Variants in L3MBTL4 observed in about 807,000 individuals in gnomAD.
L3MBTL4 encodes the protein L3MBTL histone methyl-lysine binding protein 4.
Under a neutral mutation model 84.5 loss-of-function variants are expected in L3MBTL4, and 70 were observed. The ratio of observed to expected loss-of-function variants is 0.83; its 90% CI spans 0.68 to 1.01. The LOEUF (loss-of-function observed/expected upper bound fraction) is 1.01, where lower values mean the gene tolerates loss of function less well. L3MBTL4 is among the 50% of genes least tolerant of loss of function. L3MBTL4 has a pLI of 0.00. For synonymous variants in L3MBTL4, 274 were observed against 259.8 expected, an observed-to-expected ratio of 1.05 and a Z score of -0.52; for missense variants, 715 against 754.8, an observed-to-expected ratio of 0.95 and a Z score of 0.62.
chr18:6,385,834 T>C (rs2054795238), intron 1 of L3MBTL4, among the ~76,000 whole-genome samples: 1 of 152,218 alleles, frequency 6.6e-6, no homozygotes, highest in Non-Finnish European at 1.5e-5. Flanking sequence ...AGTCCTTCAC[T>C]TTCTCTTATT....
At chr18:6,331,404 G>C (rs1220072956) in intron 1 of L3MBTL4, among the ~76,000 whole-genome samples, 1 of 152,064 alleles carries the variant, frequency 6.6e-6, no homozygotes, top group Non-Finnish European at 1.5e-5. Flanking sequence ...AATGCAGAAA[G>C]CTCAAATCAA....
chr18:6,246,813 A>G (rs2047683298), intron 5 of L3MBTL4, among the ~76,000 whole-genome samples: 2 of 152,148 alleles, frequency 1.3e-5, no homozygotes, highest in Admixed American at 6.5e-5. Flanking sequence ...CTGAGGCAGG[A>G]GAATCGCTTG....
intron 16 of L3MBTL4, among the ~76,000 whole-genome samples, chr18:6,065,258 G>C (rs1198576742): frequency 1.3e-5 from 2 of 151,872 alleles, no homozygotes; most frequent in African/African-American, 4.8e-5. Context: ...TGGTCAGTTA[G>C]TATTTTGTTG....
chr18:6,361,996 C>G (rs1407488271), intron 1 of L3MBTL4, among the ~76,000 whole-genome samples: 2 of 151,804 alleles, frequency 1.3e-5, no homozygotes, highest in Non-Finnish European at 2.9e-5. Flanking sequence ...GTAGTCCCAG[C>G]TACTTGAGAG....
intron 5 of L3MBTL4, 83 bp from the exon 6 acceptor site, chr18:6,244,671 A>G: frequency 1.1e-6 from 1 of 941,732 alleles, no homozygotes; most frequent in East Asian, 2.4e-5. Context: ...CCTCTAGGTG[A>G]AGTCTAAAAC....
chr18:6,078,244 T>C (rs1417644157), intron 16 of L3MBTL4, among the ~76,000 whole-genome samples: 3 of 150,014 alleles, frequency 2.0e-5, no homozygotes, highest in African/African-American at 7.4e-5. Context: ...CTGGGCAACA[T>C]GGTGAAACCC....
rs144486517 is a variant in L3MBTL4, at chr18:6,059,853, G to A, written c.1444+21028C>T. 8.6e-3 allele frequency among the ~76,000 whole-genome samples: 1,317 copies of A among 152,326 alleles called. 12 individuals are homozygous for A. The highest frequency in any genetic ancestry group is 0.058 in the Middle Eastern group (17 of 294). On this transcript the variant is annotated intron_variant, in intron 16 of 18. Coordinates refer to ENST00000317931, the MANE Select transcript of L3MBTL4 (RefSeq NM_001330559.2). Reference sequence around the variant, plus strand: ...ATGCCTAGAGGCCATTAGAATGGCAGCTGGTGTCTAACCTGGGATAAAGTT... The same window carrying A: ...ATGCCTAGAGGCCATTAGAATGGCAACTGGTGTCTAACCTGGGATAAAGTT...
At chr18:6,393,384 G>C (rs1470685141) in intron 1 of L3MBTL4, among the ~76,000 whole-genome samples, 1 of 152,146 alleles carries the variant, frequency 6.6e-6, no homozygotes, top group African/African-American at 2.4e-5. Context: ...TTCTCACAGG[G>C]AGCATGAGTG....
At chr18:6,069,543 G>T (rs924904098) in intron 16 of L3MBTL4, among the ~76,000 whole-genome samples, 1 of 152,142 alleles carries the variant, frequency 6.6e-6, no homozygotes, top group Non-Finnish European at 1.5e-5. Context: ...TGAGGGCAGG[G>T]TTAGGCGGGT....
intron 1 of L3MBTL4, among the ~76,000 whole-genome samples, chr18:6,352,522 G>A (rs1376944724): frequency 1.3e-5 from 2 of 152,152 alleles, no homozygotes; most frequent in Non-Finnish European, 2.9e-5. Flanking sequence ...AAAATAAAAA[G>A]TGGTTGATGA....
intron 15 of L3MBTL4, among the ~76,000 whole-genome samples, chr18:6,085,971 C>A (rs972579589): frequency 6.6e-6 from 1 of 152,084 alleles, no homozygotes; most frequent in African/African-American, 2.4e-5. Context: ...TTAAGGTGGA[C>A]ATTTTCTTAT....
At chr18:6,040,474 C>G (rs1240823331) in intron 16 of L3MBTL4, among the ~76,000 whole-genome samples, 1 of 152,206 alleles carries the variant, frequency 6.6e-6, no homozygotes, top group Non-Finnish European at 1.5e-5. Flanking sequence ...CAATCCATTA[C>G]AGAACCAAAA....
intron 7 of L3MBTL4, among the ~76,000 whole-genome samples, chr18:6,241,734 C>G (rs1439898725): frequency 2.0e-5 from 3 of 152,160 alleles, no homozygotes; most frequent in Admixed American, 6.5e-5. Flanking sequence ...TCACGCGCAT[C>G]ATTCCCGATA....
At chr18:6,146,789 G>T (rs1454547524) in intron 13 of L3MBTL4, among the ~76,000 whole-genome samples, 2 of 152,166 alleles carry the variant, frequency 1.3e-5, no homozygotes, top group African/African-American at 4.8e-5. Flanking sequence ...TGTAGGGAGG[G>T]GTTTAAATGT....
intron 1 of L3MBTL4, among the ~76,000 whole-genome samples, chr18:6,325,324 T>G (rs1814144985): frequency 6.6e-6 from 1 of 152,168 alleles, no homozygotes; most frequent in Non-Finnish European, 1.5e-5. Context: ...TCAATAATGT[T>G]GAATGAGCAA....
intron 4 of L3MBTL4, among the ~76,000 whole-genome samples, chr18:6,269,501 G>A (rs2048776842): frequency 6.6e-6 from 1 of 152,030 alleles, no homozygotes; most frequent in Non-Finnish European, 1.5e-5. Flanking sequence ...TGAAAGTCAT[G>A]TCGACAATAT....
chr18:6,378,443 T>C (rs926609563), intron 1 of L3MBTL4, among the ~76,000 whole-genome samples: 1 of 152,250 alleles, frequency 6.6e-6, no homozygotes, highest in South Asian at 2.1e-4. Flanking sequence ...AGTATTTTTA[T>C]GGTCCCAGGT....
At chr18:6,333,295 C>A (rs1238320513) in intron 1 of L3MBTL4, among the ~76,000 whole-genome samples, 1 of 152,078 alleles carries the variant, frequency 6.6e-6, no homozygotes, top group Admixed American at 6.6e-5. Flanking sequence ...TCTAATTGGG[C>A]CAGGCGTGGT....
At chr18:6,275,420 A>T (rs1053358902) in intron 4 of L3MBTL4, among the ~76,000 whole-genome samples, 48 of 152,230 alleles carry the variant, frequency 3.2e-4, no homozygotes, top group African/African-American at 1.1e-3. Flanking sequence ...CCTGAGGCTG[A>T]CTACAGTGCT....
Sources: gnomAD v4.1 joint callset for allele counts (sites outside exome capture counted in the v4.1 genomes callset) on GRCh38, gnomAD v4.1.1 for gene constraint, MANE v1.5 for transcripts, NCBI Gene and HGNC (gene_info 2026-07-23, HGNC 2026-07-21) for gene names.